Variants in TNNI3K observed in about 807,000 individuals in gnomAD.
TNNI3K encodes the protein serine/threonine-protein kinase TNNI3K.
In TNNI3K, 140 loss-of-function variants were observed where a neutral mutation model predicts 114.5. That is an observed-to-expected ratio of 1.22 (90% CI 1.07 to 1.41). TNNI3K has a LOEUF of 1.41. Ranked by LOEUF, TNNI3K falls within the 40% of genes most tolerant of loss-of-function variation. The probability of loss-of-function intolerance (pLI) is 0.00; values close to 1 mark genes in which losing one functional copy is unlikely to be tolerated. For synonymous variants in TNNI3K, 347 were observed against 347.5 expected (o/e 1.00, Z 0.02); for missense variants, 1,125 against 1,007.6 (o/e 1.12, Z -1.58).
chr1:74,369,403 T>G lies in TNNI3K; in HGVS notation c.1485T>G (p.Asn495Lys). Residue 495 changes from asparagine to lysine, a missense_variant, in exon 16 of 25, where the codon AAT becomes AAG. By Grantham distance (94) the Asn-to-Lys change is moderately conservative (BLOSUM62 0). Transcript: ENST00000326637. Reference sequence around the variant, plus strand: ...CTGCCATTTCCAGTTATCGAGCCAATACCTACTGCTCCAAGTCAGATGTGG... The same window carrying G: ...CTGCCATTTCCAGTTATCGAGCCAAGACCTACTGCTCCAAGTCAGATGTGG... ...KIVAIKRYRA[N>K]TYCSKSDVDM... is the part of the protein sequence containing the mutation. 1 of 1,610,550 alleles carries G rather than the reference T, an allele frequency of 6.2e-7. No homozygotes were observed. Among genetic ancestry groups the G allele is most frequent in the Non-Finnish European group, 8.5e-7 (1 of 1,178,270 alleles).
At chr1:74,429,840 TC>T (rs1665809329) in intron 17 of TNNI3K, among the ~76,000 whole-genome samples, 1 of 152,116 alleles carries the variant, frequency 6.6e-6, no homozygotes, top group Non-Finnish European at 1.5e-5. Flanking sequence ...GTGTCTTTAA[TC>T]ATGTGAGTTA....
chr1:74,371,160 G>T (rs549552939), intron 17 of TNNI3K: 1 of 151,950 alleles, frequency 6.6e-6, no homozygotes, highest in South Asian at 2.1e-4. Flanking sequence ...TTCATTTTAT[G>T]ATAGTCAATA....
chr1:74,436,241 C>A (rs905218428), intron 18 of TNNI3K, 109 bp downstream of exon 18: 9 of 1,361,068 alleles, frequency 6.6e-6, no homozygotes, highest in Non-Finnish European at 6.1e-6. Flanking sequence ...AGCTATACTA[C>A]ACTGAACACT....
chr1:74,268,077 A>G (rs1015261240), intron 4 of TNNI3K, among the ~76,000 whole-genome samples: 10 of 151,966 alleles, frequency 6.6e-5, no homozygotes, highest in African/African-American at 2.4e-4. Flanking sequence ...TATACAAGTT[A>G]TTTATGTATT....
At chr1:74,398,321 G>A (rs144197227) in intron 17 of TNNI3K, among the ~76,000 whole-genome samples, 180 of 152,284 alleles carry the variant, frequency 1.2e-3, no homozygotes, top group African/African-American at 3.8e-3. Flanking sequence ...CCCATAATGA[G>A]AGAACTGATG....
At chr1:74,462,390 T>C (rs909440911) in intron 20 of TNNI3K, among the ~76,000 whole-genome samples, 5 of 152,338 alleles carry the variant, frequency 3.3e-5, no homozygotes, top group African/African-American at 1.2e-4. Context: ...AGCAATGTCC[T>C]GGAACTTTAT....
chr1:74,452,164 T>A (rs765300782), intron 20 of TNNI3K, among the ~76,000 whole-genome samples: 1 of 152,188 alleles, frequency 6.6e-6, no homozygotes, highest in Non-Finnish European at 1.5e-5. Context: ...CTCAGTATGT[T>A]GCATTTCATC....
At chr1:74,236,387 A>G (rs1653861526) in intron 2 of TNNI3K, among the ~76,000 whole-genome samples, 177 bp downstream of exon 2, 1 of 151,744 alleles carries the variant, frequency 6.6e-6, no homozygotes, top group African/African-American at 2.4e-5. Context: ...CAAAATGCAA[A>G]CATAACATCT....
At chr1:74,462,583 CA>C (rs1295449079) in intron 20 of TNNI3K, among the ~76,000 whole-genome samples, 3 of 152,184 alleles carry the variant, frequency 2.0e-5, no homozygotes, top group Non-Finnish European at 2.9e-5. Context: ...ATAACAACAA[CA>C]ACAACACCTA....
chr1:74,353,047 A>G (rs572544814), intron 9 of TNNI3K, among the ~76,000 whole-genome samples: 14 of 152,150 alleles, frequency 9.2e-5, no homozygotes, highest in Non-Finnish European at 1.9e-4. Context: ...TGCATTGCTC[A>G]TGCTGGGAGC....
At position 74,353,242 on chromosome 1, in the gene TNNI3K, T is replaced by C. The variant is rs557607172; in HGVS notation, c.933-24T>C. 63 of 1,603,858 alleles carry C rather than the reference T, an allele frequency of 3.9e-5. No individual in the cohort carries two copies. In the South Asian group the frequency reaches 6.6e-4, roughly 17 times the overall value. On this transcript the variant is annotated intron_variant, in intron 9 of 24. Transcript: ENST00000326637. ...TCATAACAAGGACCTTCTATCTTTC[T>C]TGTTTTATGGTTTTTTTTTTCAGTG...
At chr1:74,507,064 A>T (rs887685286) in intron 23 of TNNI3K, among the ~76,000 whole-genome samples, 1 of 152,216 alleles carries the variant, frequency 6.6e-6, no homozygotes, top group Non-Finnish European at 1.5e-5. Flanking sequence ...ACAAATTATT[A>T]TCTTAATTTA....
chr1:74,321,090 G>A (rs1659586360), intron 5 of TNNI3K, among the ~76,000 whole-genome samples: 1 of 152,122 alleles, frequency 6.6e-6, no homozygotes, highest in African/African-American at 2.4e-5. Context: ...CCCTAAAACA[G>A]AATTTTGGCT....
At chr1:74,400,522 G>A (rs949441649) in intron 17 of TNNI3K, among the ~76,000 whole-genome samples, 6 of 152,170 alleles carry the variant, frequency 3.9e-5, no homozygotes, top group Non-Finnish European at 8.8e-5. Flanking sequence ...TATATCAATC[G>A]CAACCAAATG....
intron 17 of TNNI3K, chr1:74,371,915 C>T (rs1158370145): frequency 6.6e-6 from 1 of 151,280 alleles, no homozygotes; most frequent in Non-Finnish European, 1.5e-5. Context: ...TAAGAAGTAA[C>T]GAAAAGCAGA....
intron 23 of TNNI3K, among the ~76,000 whole-genome samples, chr1:74,502,332 C>T (rs528457156): frequency 6.6e-6 from 1 of 152,294 alleles, no homozygotes; most frequent in South Asian, 2.1e-4. Flanking sequence ...AACATAATGA[C>T]TTCCCACAAA....
chr1:74,445,990 C>T (rs887070599), intron 20 of TNNI3K, among the ~76,000 whole-genome samples: 2 of 152,240 alleles, frequency 1.3e-5, no homozygotes, highest in African/African-American at 4.8e-5. Flanking sequence ...AATAATGCCA[C>T]AATAAACATA....
intron 23 of TNNI3K, among the ~76,000 whole-genome samples, chr1:74,521,066 T>A (rs758142960): frequency 2.5e-4 from 38 of 152,142 alleles, no homozygotes; most frequent in Non-Finnish European, 2.6e-4. Flanking sequence ...TTACAGCTAT[T>A]TCTCCTTTGG....
intron 9 of TNNI3K, 25 bp from the exon 10 acceptor site, chr1:74,353,241 C>G: frequency 6.2e-7 from 1 of 1,602,924 alleles, no homozygotes; most frequent in Non-Finnish European, 8.5e-7. Context: ...TTCTATCTTT[C>G]TTGTTTTATG....
Sources: gnomAD v4.1 joint callset for allele counts (sites outside exome capture counted in the v4.1 genomes callset) on GRCh38, gnomAD v4.1.1 for gene constraint, MANE v1.5 for transcripts, NCBI Gene and HGNC (gene_info 2026-07-23, HGNC 2026-07-21) for gene names.